Variants in APBA1 observed in about 807,000 individuals in gnomAD.
APBA1 encodes amyloid-beta A4 precursor protein-binding family A member 1.
Under a neutral mutation model 86.6 loss-of-function variants are expected in APBA1, and 55 were observed. The ratio of observed to expected loss-of-function variants is 0.64; its 90% CI spans 0.51 to 0.80. The LOEUF (loss-of-function observed/expected upper bound fraction) is 0.80. APBA1 is among the 30% of genes least tolerant of loss of function. The pLI is 0.00. For missense variants in APBA1, 1,090 were observed against 1,183.0 expected (o/e 0.92, Z 1.15); for synonymous variants, 511 against 493.9 (o/e 1.03, Z -0.46).
chr9:69,573,069 G>A (rs751203998), intron 1 of APBA1, among the ~76,000 whole-genome samples: 19 of 151,526 alleles, frequency 1.3e-4, no homozygotes, highest in Non-Finnish European at 2.8e-4. Context: ...CTGATGCAGG[G>A]TAATCGCTTG....
chr9:69,512,288 A>G (rs759719569), intron 2 of APBA1, among the ~76,000 whole-genome samples: 56 of 152,138 alleles, frequency 3.7e-4, no homozygotes, highest in Non-Finnish European at 6.9e-4. Flanking sequence ...AGTGTTCAGT[A>G]AACTCTTATG....
rs1448834683 is a variant in APBA1 at position 69,658,300 on chromosome 9, CTCTCTCTT to C, written c.-70+13845_-70+13852del. ...TCTTTCTTTCTCTCTCTCTTTCTCT[CTCTCTCTT>C]TCTTTCTTTCTTTCTTTCTTTCTTT... On this transcript the variant is annotated intron_variant, in intron 1 of 12. Transcript: ENST00000265381. Among the ~76,000 whole-genome samples, 182 of 56,150 alleles carry C rather than the reference CTCTCTCTT, an allele frequency of 3.2e-3. 2 individuals carry two copies. The highest frequency in any genetic ancestry group is 9.6e-3 in the South Asian group (15 of 1,568). The allele number at this position is 56,150 out of a possible 152,430, so 36.8% of individuals were successfully genotyped here.
At chr9:69,488,694 T>C (rs562467916) in intron 2 of APBA1, among the ~76,000 whole-genome samples, 2 of 152,278 alleles carry the variant, frequency 1.3e-5, no homozygotes, top group South Asian at 2.1e-4. Flanking sequence ...GAAACCCTTC[T>C]AGTGGAAGAG....
chr9:69,586,940 T>C lies in APBA1; in HGVS notation c.-69-69661A>G, dbSNP rs77131170. 4.0e-3 allele frequency among the ~76,000 whole-genome samples: 603 copies of C among 152,300 alleles called. 2 individuals carry two copies. Among genetic ancestry groups the C allele is most frequent in the African/African-American group, 0.014 (573 of 41,570 alleles). On this transcript the variant is annotated intron_variant, in intron 1 of 12. Transcript: ENST00000265381. ...CAAGAGTTCCATATACTTTAAAAAA[T>C]AGTTTGGCTGTATGTGCTTCTGGTA... is the stretch of plus-strand genomic sequence containing the variant.
intron 1 of APBA1, among the ~76,000 whole-genome samples, chr9:69,535,811 A>G (rs887403233): frequency 5.9e-5 from 9 of 151,780 alleles, no homozygotes; most frequent in Admixed American, 1.3e-4. Context: ...TTCTTTTCCT[A>G]TTATCTGTTT....
intron 4 of APBA1, 107 bp from the exon 5 acceptor site, chr9:69,468,075 G>A: frequency 7.2e-7 from 1 of 1,385,102 alleles, no homozygotes. Flanking sequence ...GCACAGGTGA[G>A]GCAGAGCCAA....
intron 1 of APBA1, among the ~76,000 whole-genome samples, chr9:69,658,315 TTTC>T: frequency 1.2e-5 from 1 of 83,008 alleles, no homozygotes; most frequent in Admixed American, 1.1e-4. Flanking sequence ...TCTTTCTTTC[TTTC>T]TTTCTTTCTT....
At chr9:69,513,657 T>C (rs912763366) in intron 2 of APBA1, among the ~76,000 whole-genome samples, 2 of 152,342 alleles carry the variant, frequency 1.3e-5, no homozygotes, top group South Asian at 2.1e-4. Context: ...AGACAGGACA[T>C]GTCTGAGCTC....
intron 1 of APBA1, among the ~76,000 whole-genome samples, chr9:69,526,970 T>C (rs1323698827): frequency 6.6e-6 from 1 of 152,022 alleles, no homozygotes; most frequent in East Asian, 1.9e-4. Flanking sequence ...AGCAAAGTAA[T>C]GCAGGAACAG....
chr9:69,570,335 G>C (rs1181580978), intron 1 of APBA1, among the ~76,000 whole-genome samples: 4 of 152,178 alleles, frequency 2.6e-5, no homozygotes, highest in Non-Finnish European at 5.9e-5. Context: ...CAGCTGCCCA[G>C]TGTTCAAAGA....
chr9:69,609,579 A>T (rs977472363), intron 1 of APBA1, among the ~76,000 whole-genome samples: 1 of 152,164 alleles, frequency 6.6e-6, no homozygotes, highest in East Asian at 1.9e-4. Context: ...CCAAATAAAC[A>T]TTTTCTTTTA....
chr9:69,587,949 C>G (rs746886531), intron 1 of APBA1, among the ~76,000 whole-genome samples: 5 of 150,544 alleles, frequency 3.3e-5, no homozygotes, highest in Non-Finnish European at 7.4e-5. Flanking sequence ...TCGTTTGAAC[C>G]CGGGAGGTGG....
intron 1 of APBA1, among the ~76,000 whole-genome samples, chr9:69,536,203 T>C (rs770692500): frequency 1.6e-4 from 24 of 152,134 alleles, no homozygotes; most frequent in Middle Eastern, 3.2e-3. Context: ...AACCTCCTCA[T>C]AGATTATATC....
chr9:69,579,975 A>G (rs1222528130), intron 1 of APBA1, among the ~76,000 whole-genome samples: 2 of 152,130 alleles, frequency 1.3e-5, no homozygotes, highest in African/African-American at 2.4e-5. Context: ...CCCCATATGG[A>G]TATTTTCCTA....
At chr9:69,552,893 T>C (rs1309835711) in intron 1 of APBA1, among the ~76,000 whole-genome samples, 1 of 138,780 alleles carries the variant, frequency 7.2e-6, no homozygotes, top group African/African-American at 2.6e-5. Context: ...AATGAAATGG[T>C]GCCCTTTCTT....
At chr9:69,483,158 A>G (rs986451428) in intron 2 of APBA1, among the ~76,000 whole-genome samples, 3 of 128,846 alleles carry the variant, frequency 2.3e-5, no homozygotes, top group Non-Finnish European at 4.7e-5. Context: ...AAAACGAAAC[A>G]AAAAAAAAAA....
At chr9:69,634,544 G>A (rs1823117636) in intron 1 of APBA1, among the ~76,000 whole-genome samples, 1 of 152,164 alleles carries the variant, frequency 6.6e-6, no homozygotes, top group Admixed American at 6.5e-5. Flanking sequence ...AGAGATAGAG[G>A]TAGAAAGTTT....
At chr9:69,561,151 A>G (rs1269124365) in intron 1 of APBA1, among the ~76,000 whole-genome samples, 1 of 152,250 alleles carries the variant, frequency 6.6e-6, no homozygotes, top group Non-Finnish European at 1.5e-5. Flanking sequence ...GAAAGAAAAT[A>G]TTAAAGCAAG....
At chr9:69,451,534 C>T (rs1478814528) in intron 9 of APBA1, among the ~76,000 whole-genome samples, 1 of 152,168 alleles carries the variant, frequency 6.6e-6, no homozygotes, top group African/African-American at 2.4e-5. Flanking sequence ...TTTCCTCATT[C>T]CCTAGACAAA....
Sources: gnomAD v4.1 joint callset for allele counts (sites outside exome capture counted in the v4.1 genomes callset) on GRCh38, gnomAD v4.1.1 for gene constraint, MANE v1.5 for transcripts, NCBI Gene and HGNC (gene_info 2026-07-23, HGNC 2026-07-21) for gene names.